HACE1: variants seen among roughly 807,000 people sequenced by gnomAD.
HACE1 encodes the protein HECT domain and ankyrin repeat containing E3 ubiquitin protein ligase 1, also known as E3 ubiquitin-protein ligase HACE1.
In HACE1, 73 loss-of-function variants were observed where a neutral mutation model predicts 118.4. The ratio of observed to expected loss-of-function variants is 0.62; its 90% CI spans 0.51 to 0.75. HACE1 has a LOEUF of 0.75. Ranked by LOEUF, HACE1 falls within the 30% of genes least tolerant of loss-of-function variation. HACE1 has a pLI of 0.00. For missense variants in HACE1, 749 were observed against 1,102.2 expected (o/e 0.68, Z 4.54); for synonymous variants, 368 against 374.8 (o/e 0.98, Z 0.21).
chr6:104,852,392 A>G lies in HACE1; in HGVS notation c.77-21T>C, dbSNP rs541799067. 24 of 1,372,586 alleles carry G rather than the reference A, an allele frequency of 1.7e-5. No homozygotes were observed. The South Asian group carries it at 2.8e-4, about 16-fold the overall frequency. The allele number at this position is 1,372,586 out of a possible 1,614,324, so 85.0% of individuals were successfully genotyped here. The stretch of plus-strand genomic sequence containing the variant: ...ATTATCTGAGTAAAAAAAAACAAAG[A>G]GTTCATTTATCCCCTACTTTGTGCA... On this transcript the variant is annotated intron_variant, in intron 1 of 23. Transcript: ENST00000262903.
At chr6:104,828,236 A>C (rs1424270463) in intron 6 of HACE1, among the ~76,000 whole-genome samples, 1 of 152,072 alleles carries the variant, frequency 6.6e-6, no homozygotes, top group African/African-American at 2.4e-5. Flanking sequence ...TTAAAAAACA[A>C]CACACTGGGC....
intron 3 of HACE1, among the ~76,000 whole-genome samples, chr6:104,850,247 G>A (rs1477220388): frequency 6.6e-6 from 1 of 152,116 alleles, no homozygotes; most frequent in Non-Finnish European, 1.5e-5. Context: ...CCTGTGCATG[G>A]CCTTTTAAAC....
chr6:104,769,163 T>C (rs1780352296), intron 19 of HACE1, among the ~76,000 whole-genome samples: 1 of 152,084 alleles, frequency 6.6e-6, no homozygotes, highest in Admixed American at 6.6e-5. Context: ...GCCTCCAGAA[T>C]AGCTAGGACT....
rs763421862 is a variant in HACE1 at position 104,777,331 on chromosome 6, T to TA, written c.1567-15dup. 14 of 1,509,638 alleles carry TA rather than the reference T, an allele frequency of 9.3e-6. No individual in the cohort carries two copies. In the African/African-American group the frequency reaches 1.5e-4, roughly 16 times the overall value. 93.5% of individuals were successfully genotyped at this position (1,509,638 alleles called of 1,614,324 possible). On this transcript the variant is annotated splice_polypyrimidine_tract_variant and intron_variant, in intron 14 of 23. Transcript: ENST00000262903. ...ATCTTTAAAAGGCTAGCTCAAAAAATAAGAGTAAAATATGTTAGCAGTGTA... is the reference window on the plus strand; with the variant it reads ...ATCTTTAAAAGGCTAGCTCAAAAAATAAAGAGTAAAATATGTTAGCAGTGTA...
intron 4 of HACE1, among the ~76,000 whole-genome samples, chr6:104,847,073 T>G (rs190396263): frequency 6.6e-6 from 1 of 152,234 alleles, no homozygotes; most frequent in East Asian, 1.9e-4. Context: ...AAACTATTTC[T>G]TTTCTCTGTG....
intron 4 of HACE1, among the ~76,000 whole-genome samples, chr6:104,847,723 G>C (rs1019663924): frequency 6.6e-6 from 1 of 152,060 alleles, no homozygotes; most frequent in African/African-American, 2.4e-5. Context: ...GCACAGTTGA[G>C]AATAGGAAAC....
At chr6:104,761,242 A>G (rs1211272061) in intron 19 of HACE1, among the ~76,000 whole-genome samples, 1 of 152,176 alleles carries the variant, frequency 6.6e-6, no homozygotes, top group Non-Finnish European at 1.5e-5. Context: ...CATAGCCATG[A>G]CAATCCTGGG....
rs1338276778 is a variant in HACE1 at position 104,742,559 on chromosome 6, C to A, written c.2513+1601G>T. The stretch of plus-strand genomic sequence containing the variant: ...TTATGCAGCCAAAAAACACATGAAA[C>A]AATGCTCATCATCACTGGCCATCAG... On this transcript the variant is annotated intron_variant, in intron 22 of 23. Transcript: ENST00000262903. Among the ~76,000 whole-genome samples the A allele has an allele frequency of 5.3e-5, 8 of 151,862 alleles. No individual in the cohort carries two copies. The East Asian group carries it at 5.8e-4, about 11-fold the overall frequency.
intron 22 of HACE1, among the ~76,000 whole-genome samples, chr6:104,738,228 C>T (rs1206637138): frequency 6.6e-6 from 1 of 152,104 alleles, no homozygotes; most frequent in Admixed American, 6.5e-5. Flanking sequence ...AAAAACAGAA[C>T]AGAAAAACCG....
chr6:104,823,338 G>A (rs528388338), intron 6 of HACE1, among the ~76,000 whole-genome samples: 7 of 151,878 alleles, frequency 4.6e-5, no homozygotes, highest in East Asian at 1.9e-4. Context: ...GGAGGCTGAC[G>A]CAGGAGAATC....
At chr6:104,812,657 A>C (rs1771752392) in intron 6 of HACE1, among the ~76,000 whole-genome samples, 1 of 152,172 alleles carries the variant, frequency 6.6e-6, no homozygotes, top group Admixed American at 6.5e-5. Context: ...ATAGTAACTG[A>C]CTTAGCAGAT....
In HACE1 at chr6:104,771,146, A is replaced by G. The variant is rs145480420; in HGVS notation, c.2211+47T>C. 1.2e-4 allele frequency: 162 copies of G among 1,358,922 alleles called. 1 individual carries two copies. In the African/African-American group the frequency reaches 2.1e-3, roughly 18 times the overall value. 84.2% of individuals were successfully genotyped at this position (1,358,922 alleles called of 1,614,324 possible). A position where few individuals can be genotyped will look rare whatever the true frequency, so the allele number is the denominator to read the frequency against. On this transcript the variant is annotated intron_variant, in intron 19 of 23. Coordinates refer to ENST00000262903, the MANE Select transcript of HACE1 (RefSeq NM_020771.4). ...AATTTAGAGTAACTAGCAAACTATC[A>G]GGGCCAAGTTACAAACAATGGTTAA...
At chr6:104,783,656 G>A (rs12528333) in intron 14 of HACE1, among the ~76,000 whole-genome samples, 21,973 of 152,140 alleles carry the variant, frequency 0.14, 1,612 homozygotes, top group Middle Eastern at 0.22. Context: ...AGGTGGTCAG[G>A]TCAAATAAGT....
chr6:104,762,059 G>C (rs571799880), intron 19 of HACE1, among the ~76,000 whole-genome samples: 1 of 152,320 alleles, frequency 6.6e-6, no homozygotes, highest in Admixed American at 6.5e-5. Flanking sequence ...ACAGATGCTG[G>C]AGAGGTTGTG....
chr6:104,822,203 T>TAAAAAAAAAAAAA (rs58454908), intron 6 of HACE1, among the ~76,000 whole-genome samples: 1 of 102,982 alleles, frequency 9.7e-6, no homozygotes, highest in African/African-American at 4.1e-5. Context: ...CCGTCTCTAC[T>TAAAAAAAAAAAAA]AAAAAAAAAA....
rs147231366 is a variant in HACE1, at chr6:104,754,338, T to C, written c.2212-3866A>G. Among the ~76,000 whole-genome samples the C allele has an allele frequency of 2.3e-3, 350 of 152,232 alleles. 9 individuals carry two copies. The East Asian group carries it at 0.054, about 23-fold the overall frequency. On this transcript the variant is annotated intron_variant, in intron 19 of 23. Transcript: ENST00000262903. ...AAGTTGGAAAACATACTTCAGGATA[T>C]CATATAGGAGAACTCCCCCAGATTA...
intron 11 of HACE1, among the ~76,000 whole-genome samples, chr6:104,790,092 T>C (rs937092125): frequency 2.2e-4 from 33 of 150,168 alleles, no homozygotes; most frequent in African/African-American, 7.8e-4. Flanking sequence ...AAAACAAAAA[T>C]ACACACTCAA....
Position 104,815,509 on chromosome 6 carries a change from G to C in HACE1, c.535-4116C>G, listed in dbSNP as rs1384642211. ...CCCAGGTAGCTGGGATTATAGGCGT[G>C]CGCCACCACACCCAGCTAATTTTTT... On this transcript the variant is annotated intron_variant, in intron 6 of 23. Transcript: ENST00000262903. 6.6e-5 allele frequency among the ~76,000 whole-genome samples: 9 copies of C among 136,132 alleles called. 1 individual carries two copies. The highest frequency in any genetic ancestry group is 6.5e-4 in the Admixed American group (9 of 13,824). The allele number at this position is 136,132 out of a possible 152,430, so 89.3% of individuals were successfully genotyped here. A position where few individuals can be genotyped will look rare whatever the true frequency, so the allele number is the denominator to read the frequency against.
At chr6:104,753,167 G>A (rs1196305131) in intron 19 of HACE1, among the ~76,000 whole-genome samples, 3 of 152,224 alleles carry the variant, frequency 2.0e-5, no homozygotes, top group Non-Finnish European at 4.4e-5. Context: ...CTGTTGCCCA[G>A]TAACATTTCA....
Sources: allele counts gnomAD v4.1 joint callset (sites outside exome capture counted in the v4.1 genomes callset), GRCh38; gene constraint gnomAD v4.1.1; transcripts MANE v1.5; gene names NCBI Gene and HGNC (gene_info 2026-07-23, HGNC 2026-07-21).